DNASE1: variants seen among roughly 807,000 people sequenced by gnomAD.
DNASE1 encodes the protein deoxyribonuclease-1.
Under a neutral mutation model 33.9 loss-of-function variants are expected in DNASE1, and 40 were observed. The ratio of observed to expected loss-of-function variants is 1.18; its 90% CI spans 0.92 to 1.54. The LOEUF is 1.54. Among genes scored for constraint, DNASE1 ranks in the 40% most tolerant of loss-of-function variants. The pLI is 0.00. For missense variants in DNASE1, 518 were observed against 372.6 expected (o/e 1.39, Z -3.21); for synonymous variants, 216 against 160.0 (o/e 1.35, Z -2.64).
At chr16:3,626,906 A>G (rs146786815) in intron 1 of DNASE1, among the ~76,000 whole-genome samples, 72 of 151,976 alleles carry the variant, frequency 4.7e-4, no homozygotes, top group African/African-American at 1.7e-3. Context: ...GGGTCTTGCT[A>G]TGTCACCCAG....
chr16:3,657,950 G>A lies in DNASE1; in HGVS notation c.846G>A (p.Lys282=), dbSNP rs373403207. ...ACTATCCAGTGGAGGTGATGCTGAA[G>A]TGAGCAGCCCCTCCCCACACCAGTT... is the stretch of plus-strand genomic sequence containing the variant. The part of the protein sequence containing the change: ...SDHYPVEVML[K] Residue 282 remains lysine (K), a synonymous_variant, in exon 9 of 9, where the codon AAG becomes AAA. Coordinates refer to ENST00000246949, the MANE Select transcript of DNASE1 (RefSeq NM_005223.4). 149 of 1,613,854 alleles carry A rather than the reference G, an allele frequency of 9.2e-5. No individual in the cohort carries two copies. Among genetic ancestry groups the A allele is most frequent in the Non-Finnish European group, 1.2e-4 (145 of 1,179,984 alleles).
intron 1 of DNASE1, among the ~76,000 whole-genome samples, chr16:3,613,908 A>ATTTTTTTTTTTTTT (rs200976238): frequency 2.7e-5 from 3 of 113,140 alleles, no homozygotes; most frequent in Admixed American, 8.9e-5. Flanking sequence ...CGCCTGGCTA[A>ATTTTTTTTTTTTTT]TTTTTTTTTT....
rs2042776668 is a variant in DNASE1, at chr16:3,657,693, C to T, written c.705-27C>T. ...CCAGGCCCATGTGTGAAAGGGGAACCTACTTTCTCTTCCCAACACCCATCA... is the reference window on the plus strand; with the variant it reads ...CCAGGCCCATGTGTGAAAGGGGAACTTACTTTCTCTTCCCAACACCCATCA... On this transcript the variant is annotated intron_variant, in intron 7 of 8. Transcript: ENST00000246949. The T allele has an allele frequency of 2.5e-6, 4 of 1,613,324 alleles. No individual in the cohort carries two copies. In the South Asian group the frequency reaches 3.3e-5, roughly 13 times the overall value.
At chr16:3,663,162 A>T in exon 10 of DNASE1, 1 of 657,960 alleles carries the variant, frequency 1.5e-6, no homozygotes, top group Non-Finnish European at 2.6e-6. Context: ...CAACTTGGTT[A>T]GGGCTTTAAA....
At chr16:3,657,367 A>G in intron 7 of DNASE1, 26 bp downstream of exon 7, 1 of 1,609,184 alleles carries the variant, frequency 6.2e-7, no homozygotes, top group South Asian at 1.1e-5. Context: ...CGCTTAGGGC[A>G]GACTGAGGGC....
downstream of DNASE1, chr16:3,662,651 A>C (rs1314758331): frequency 1.5e-6 from 1 of 681,930 alleles, no homozygotes; most frequent in Non-Finnish European, 2.7e-6. Flanking sequence ...TTCAGTTCTC[A>C]GTTCACACCT....
chr16:3,621,827 C>T (rs1274438778), intron 1 of DNASE1, among the ~76,000 whole-genome samples: 1 of 152,158 alleles, frequency 6.6e-6, no homozygotes, highest in Non-Finnish European at 1.5e-5. Context: ...CAGATTTGCA[C>T]ATATATTTGT....
At chr16:3,614,123 A>G (rs900674617) in intron 1 of DNASE1, among the ~76,000 whole-genome samples, 1 of 152,054 alleles carries the variant, frequency 6.6e-6, no homozygotes, top group Non-Finnish European at 1.5e-5. Context: ...CATATTAGCC[A>G]GGATGGTCTC....
chr16:3,653,400 A>C (rs1382807259), upstream of DNASE1: 1 of 152,354 alleles, frequency 6.6e-6, no homozygotes, highest in Non-Finnish European at 1.5e-5. Flanking sequence ...ATACGAATGG[A>C]AAGTCAAAGA....
chr16:3,657,917 C>CA lies in DNASE1; in HGVS notation c.814dup (p.Ser272LysfsTer2), dbSNP rs1567214389. On this transcript the variant is annotated frameshift_variant, in exon 9 of 9. Coordinates refer to ENST00000246949, the MANE Select transcript of DNASE1 (RefSeq NM_005223.4). LOFTEE classifies it high-confidence loss of function. Reference sequence around the variant, plus strand: ...CCACTTGCCTGCAGGCCCAAGCCATCAGTGACCACTATCCAGTGGAGGTGA... The same window carrying CA: ...CCACTTGCCTGCAGGCCCAAGCCATCAAGTGACCACTATCCAGTGGAGGTGA... 1 of 1,613,064 alleles carries CA rather than the reference C, an allele frequency of 6.2e-7. No individual in the cohort carries two copies. The highest frequency in any genetic ancestry group is 2.2e-5 in the East Asian group (1 of 44,896).
chr16:3,624,322 C>G (rs762640162), intron 1 of DNASE1, among the ~76,000 whole-genome samples: 25 of 150,820 alleles, frequency 1.7e-4, no homozygotes, highest in Non-Finnish European at 3.5e-4. Context: ...GCAAGGTCTT[C>G]TCTACTTTGA....
At chr16:3,627,081 G>A (rs2041536372) in intron 1 of DNASE1, among the ~76,000 whole-genome samples, 1 of 145,464 alleles carries the variant, frequency 6.9e-6, no homozygotes, top group African/African-American at 2.6e-5. Flanking sequence ...TCCCTATGTT[G>A]CCCATGCTGG....
At chr16:3,641,402 C>T (rs938917084), upstream of DNASE1, among the ~76,000 whole-genome samples, 3 of 152,194 alleles carry the variant, frequency 2.0e-5, no homozygotes, top group African/African-American at 4.8e-5. Flanking sequence ...GAGGCAGAGC[C>T]TCTGTCTGCC....
chr16:3,661,901 CTG>C (rs1489617961), downstream of DNASE1: 2 of 1,468,778 alleles, frequency 1.4e-6, no homozygotes, highest in African/African-American at 2.8e-5. Flanking sequence ...CACTTTTCTT[CTG>C]TGTCACATTC....
At chr16:3,612,688 C>G (rs1323569846) in intron 1 of DNASE1, among the ~76,000 whole-genome samples, 1 of 151,826 alleles carries the variant, frequency 6.6e-6, no homozygotes, top group African/African-American at 2.4e-5. Flanking sequence ...AGATTACAGG[C>G]GTGAGCCACC....
downstream of DNASE1, chr16:3,658,208 G>A (rs774331125): frequency 3.1e-6 from 5 of 1,613,898 alleles, no homozygotes; most frequent in Admixed American, 5.0e-5. Flanking sequence ...AAGTCCAGCA[G>A]CAATCATGGC....
At chr16:3,645,373 G>A (rs2042142401) in intron 1 of DNASE1, among the ~76,000 whole-genome samples, 1 of 152,186 alleles carries the variant, frequency 6.6e-6, no homozygotes, top group Non-Finnish European at 1.5e-5. Flanking sequence ...GGAAACATCA[G>A]CACACTGGAG....
At chr16:3,662,400 G>T, downstream of DNASE1, 1 of 575,200 alleles carries the variant, frequency 1.7e-6, no homozygotes, top group Non-Finnish European at 3.1e-6. Flanking sequence ...ATCGTCCTCT[G>T]CTCCATGCCA....
intron 1 of DNASE1, among the ~76,000 whole-genome samples, chr16:3,631,555 C>T (rs1448573382): frequency 6.8e-6 from 1 of 146,042 alleles, no homozygotes. Context: ...GACGGAGTCT[C>T]GCTCTGTTGC....
Sources: allele counts gnomAD v4.1 joint callset (sites outside exome capture counted in the v4.1 genomes callset), GRCh38; gene constraint gnomAD v4.1.1; transcripts MANE v1.5; gene names NCBI Gene and HGNC (gene_info 2026-07-23, HGNC 2026-07-21).